The following TIPARP variants were observed in gnomAD, a reference collection of about 807,000 sequenced individuals.
TIPARP encodes the protein protein mono-ADP-ribosyltransferase TIPARP.
Under a neutral mutation model 56.5 loss-of-function variants are expected in TIPARP, and 12 were observed. That is an observed-to-expected ratio of 0.21 (90% confidence interval 0.14 to 0.34). The LOEUF (loss-of-function observed/expected upper bound fraction) is 0.34, where lower values mean the gene tolerates loss of function less well. Among genes scored for constraint, TIPARP ranks in the 10% least tolerant of loss-of-function variants. TIPARP has a pLI of 1.00. For synonymous variants in TIPARP, 296 were observed against 265.7 expected, an observed-to-expected ratio of 1.11 and a Z score of -1.11; for missense variants, 604 against 781.6, an observed-to-expected ratio of 0.77 and a Z score of 2.71.
At chr3:156,700,148 A>G (rs1212117105) in intron 4 of TIPARP, among the ~76,000 whole-genome samples, 1 of 151,914 alleles carries the variant, frequency 6.6e-6, no homozygotes, top group Non-Finnish European at 1.5e-5. Context: ...TCTGTCGCCC[A>G]GGGTGGAGTG....
chr3:156,675,977 C>A (rs1482916788), intron 1 of TIPARP, among the ~76,000 whole-genome samples: 1 of 152,108 alleles, frequency 6.6e-6, no homozygotes, highest in Admixed American at 6.5e-5. Context: ...GGAAAAGTTG[C>A]GCGCGCGCGC....
chr3:156,695,879 G>A lies in TIPARP; in HGVS notation c.1101G>A (p.Leu367=), dbSNP rs775103285. 5 of 1,345,260 alleles carry A rather than the reference G, an allele frequency of 3.7e-6. No individual in the cohort carries two copies. Among genetic ancestry groups the A allele is most frequent in the Non-Finnish European group, 4.8e-6 (5 of 1,031,146 alleles). 83.3% of individuals were successfully genotyped at this position (1,345,260 alleles called of 1,614,324 possible). ...CTCCTCCATAGTCTGTCATTCGATT[G>A]ATTGAAGAAGCCAACTCTCGGGGTC... ...WREYPESVIR[L]IEEANSRGLK... is the part of the protein sequence containing the mutation. The change falls in exon 4 of 6, where the codon TTG becomes TTA. Residue 367 remains leucine (L), a synonymous_variant. Transcript: ENST00000295924.
At position 156,704,968 on chromosome 3, in the gene TIPARP, G is replaced by A; in HGVS notation, c.1811G>A (p.Arg604Lys). The A allele has an allele frequency of 6.2e-7, 1 of 1,614,226 alleles. No individual in the cohort carries two copies. Among genetic ancestry groups the A allele is most frequent in the Non-Finnish European group, 8.5e-7 (1 of 1,180,032 alleles). Residue 604 changes from arginine to lysine, a missense_variant, in exon 6 of 6, where the codon AGA becomes AAA. Arg to Lys is a conservative substitution (Grantham distance 26). Coordinates refer to ENST00000295924, the MANE Select transcript of TIPARP (RefSeq NM_015508.5). Reference protein sequence around the residue: ...GRYTMGSHGMRRPPPVNPGSV... With the variant: ...GRYTMGSHGMKRPPPVNPGSV... ...TACACAATGGGCAGTCATGGCATGA[G>A]AAGGCCCCCGCCAGTCAATCCTGGC...
rs557008118 is a variant in TIPARP, at chr3:156,678,649, A to G, written c.917+35A>G. 8 of 1,570,312 alleles carry G rather than the reference A, an allele frequency of 5.1e-6. No homozygotes were observed. In the East Asian group the frequency reaches 1.3e-4, roughly 26 times the overall value. Reference sequence around the variant, plus strand: ...TATAACAACTTGTAGAACTGTTGTTAAATGCTATAGAGAAGGTAAAGAAGC... The same window carrying G: ...TATAACAACTTGTAGAACTGTTGTTGAATGCTATAGAGAAGGTAAAGAAGC... On this transcript the variant is annotated intron_variant, in intron 2 of 5. Transcript: ENST00000295924.
chr3:156,678,301 A>C lies in TIPARP; in HGVS notation c.604A>C (p.Thr202Pro), dbSNP rs747599850. 5.0e-6 allele frequency: 8 copies of C among 1,614,098 alleles called. No individual in the cohort carries two copies. The highest frequency in any genetic ancestry group is 5.9e-6 in the Non-Finnish European group (7 of 1,180,044). Residue 202 changes from threonine (T) to proline (P), a missense_variant, in exon 2 of 6, where the codon ACC becomes CCC. This residue lies in a region of TIPARP where 261 missense variants were observed against 279.2 expected (regional missense o/e 0.93). Transcript: ENST00000295924. ...TTTTACAATCCAATACATTCTGGAC[A>C]CCAGTGATAAGCTGAGTACTGAGCT... is the stretch of plus-strand genomic sequence containing the variant. ...NSFTIQYILD[T>P]SDKLSTELFQ...
intron 2 of TIPARP, among the ~76,000 whole-genome samples, chr3:156,679,298 T>G (rs1203066315): frequency 6.6e-6 from 1 of 152,212 alleles, no homozygotes; most frequent in Non-Finnish European, 1.5e-5. Context: ...TCCTTGAGTT[T>G]TGGTACACAA....
intron 2 of TIPARP, among the ~76,000 whole-genome samples, chr3:156,690,078 T>C (rs1350624577): frequency 6.6e-6 from 1 of 152,194 alleles, no homozygotes; most frequent in East Asian, 1.9e-4. Context: ...CTTTGCTTTT[T>C]TTTTGGTCTC....
At chr3:156,679,167 A>G (rs1212681271) in intron 2 of TIPARP, among the ~76,000 whole-genome samples, 2 of 152,106 alleles carry the variant, frequency 1.3e-5, no homozygotes, top group Admixed American at 6.5e-5. Context: ...TTAAGTTTAT[A>G]TTATAGATAA....
At chr3:156,686,717 G>T (rs150578722) in intron 2 of TIPARP, among the ~76,000 whole-genome samples, 1 of 152,232 alleles carries the variant, frequency 6.6e-6, no homozygotes, top group East Asian at 1.9e-4. Flanking sequence ...AATAAATTAA[G>T]CTAATAGTTT....
intron 3 of TIPARP, 22 bp from the exon 4 acceptor site, chr3:156,695,843 T>C: frequency 7.1e-7 from 1 of 1,410,080 alleles, no homozygotes; most frequent in Non-Finnish European, 9.3e-7. Context: ...TTTTTTTTTT[T>C]GTTCTGTTTT....
intron 1 of TIPARP, among the ~76,000 whole-genome samples, chr3:156,675,985 C>T (rs1722115342): frequency 6.6e-6 from 1 of 152,144 alleles, no homozygotes; most frequent in African/African-American, 2.4e-5. Flanking sequence ...TGCGCGCGCG[C>T]GCTTGCGTGT....
chr3:156,681,512 A>C (rs1036750509), intron 2 of TIPARP, among the ~76,000 whole-genome samples: 4 of 152,318 alleles, frequency 2.6e-5, no homozygotes, highest in Admixed American at 1.3e-4. Context: ...AACTGTACAG[A>C]TAAAATCTTT....
At chr3:156,693,184 TA>T (rs1386004522) in intron 2 of TIPARP, among the ~76,000 whole-genome samples, 1 of 152,184 alleles carries the variant, frequency 6.6e-6, no homozygotes, top group Admixed American at 6.5e-5. Context: ...GAGAAGAGTA[TA>T]ATGACCATTA....
At chr3:156,679,674 A>G (rs1471388220) in intron 2 of TIPARP, among the ~76,000 whole-genome samples, 1 of 152,232 alleles carries the variant, frequency 6.6e-6, no homozygotes, top group African/African-American at 2.4e-5. Context: ...GGCCTGGTAT[A>G]GTACTGAGAT....
intron 2 of TIPARP, 87 bp downstream of exon 2, chr3:156,678,701 C>G: frequency 8.5e-7 from 1 of 1,172,290 alleles, no homozygotes; most frequent in Non-Finnish European, 1.2e-6. Flanking sequence ...TGGTTTCTTT[C>G]AGTAGTAACA....
At chr3:156,699,028 G>A (rs1722784109) in intron 4 of TIPARP, among the ~76,000 whole-genome samples, 1 of 152,184 alleles carries the variant, frequency 6.6e-6, no homozygotes, top group Non-Finnish European at 1.5e-5. Flanking sequence ...AGCAAGAGAG[G>A]TAGAAGTAGA....
At chr3:156,675,141 G>A (rs1282603586) in intron 1 of TIPARP, 1 of 150,972 alleles carries the variant, frequency 6.6e-6, no homozygotes, top group African/African-American at 2.4e-5. Context: ...GGCCGACCCC[G>A]GGTGCTCTGA....
chr3:156,704,289 C>G (rs1333239112), intron 5 of TIPARP, among the ~76,000 whole-genome samples: 2 of 152,100 alleles, frequency 1.3e-5, no homozygotes, highest in Non-Finnish European at 2.9e-5. Context: ...GCACCAGAGG[C>G]CTTGCTCTTA....
chr3:156,684,492 G>A (rs1266308422), intron 2 of TIPARP, among the ~76,000 whole-genome samples: 1 of 152,164 alleles, frequency 6.6e-6, no homozygotes, highest in Non-Finnish European at 1.5e-5. Flanking sequence ...GGAGTGCAGT[G>A]GCATAATCTC....
Sources: allele counts gnomAD v4.1 joint callset (sites outside exome capture counted in the v4.1 genomes callset), GRCh38; gene constraint gnomAD v4.1.1; regional missense constraint gnomAD v4.1.1; transcripts MANE v1.5; gene names NCBI Gene and HGNC (gene_info 2026-07-23, HGNC 2026-07-21).